PGLYRP4: variants seen among roughly 807,000 people sequenced by gnomAD.
The protein encoded by PGLYRP4 is PGRP-I-beta.
Under a neutral mutation model 41.2 loss-of-function variants are expected in PGLYRP4, and 39 were observed. The observed-to-expected ratio is 0.95, with a 90% confidence interval of 0.73 to 1.24. The LOEUF is 1.24. Ranked by LOEUF, PGLYRP4 falls within the 50% of genes most tolerant of loss-of-function variation. PGLYRP4 has a pLI of 0.00. For synonymous variants in PGLYRP4, 202 were observed against 186.8 expected (o/e 1.08, Z -0.66); for missense variants, 467 against 460.7 (o/e 1.01, Z -0.13).
At chr1:153,333,015 A>T (rs1050976790) in intron 8 of PGLYRP4, among the ~76,000 whole-genome samples, 5 of 152,086 alleles carry the variant, frequency 3.3e-5, no homozygotes, top group Non-Finnish European at 7.4e-5. Flanking sequence ...AGCAGAAGAA[A>T]TAATAAAGAT....
At chr1:153,334,234 T>C (rs949161858) in intron 8 of PGLYRP4, among the ~76,000 whole-genome samples, 2 of 145,504 alleles carry the variant, frequency 1.4e-5, no homozygotes, top group African/African-American at 5.0e-5. Context: ...CAAAAATCAG[T>C]AGCATTTCTA....
At chr1:153,333,197 T>G (rs116567563) in intron 8 of PGLYRP4, among the ~76,000 whole-genome samples, 2,402 of 151,940 alleles carry the variant, frequency 0.016, 64 homozygotes, top group African/African-American at 0.054. Context: ...AAAAAAGAGA[T>G]AATATTAGAA....
intron 7 of PGLYRP4, among the ~76,000 whole-genome samples, chr1:153,338,157 G>A (rs1409953322): frequency 6.6e-6 from 1 of 152,110 alleles, no homozygotes; most frequent in Non-Finnish European, 1.5e-5. Context: ...TGAAAGGCAT[G>A]GTCACCCACC....
intron 4 of PGLYRP4, 46 bp from the exon 5 acceptor site, chr1:153,343,254 A>AT: frequency 7.4e-7 from 1 of 1,348,444 alleles, no homozygotes; most frequent in Non-Finnish European, 1.1e-6. Context: ...ACTGTAGGAC[A>AT]TTCCTGAGAG....
At chr1:153,331,404 C>T (rs1387578764) in intron 8 of PGLYRP4, among the ~76,000 whole-genome samples, 1 of 152,182 alleles carries the variant, frequency 6.6e-6, no homozygotes, top group African/African-American at 2.4e-5. Flanking sequence ...GGTTGAGAAA[C>T]TTGATTTAAT....
At chr1:153,338,532 A>G (rs559084618) in intron 7 of PGLYRP4, among the ~76,000 whole-genome samples, 1 of 152,148 alleles carries the variant, frequency 6.6e-6, no homozygotes, top group East Asian at 1.9e-4. Context: ...GAGTGCACAC[A>G]CCCCAGCTTA....
chr1:153,346,638 G>A (rs1162619808), intron 2 of PGLYRP4, among the ~76,000 whole-genome samples: 1 of 152,224 alleles, frequency 6.6e-6, no homozygotes, highest in African/African-American at 2.4e-5. Flanking sequence ...AGGGACGTGT[G>A]CTATGCCCAT....
At chr1:153,336,507 C>A (rs916243372) in intron 8 of PGLYRP4, among the ~76,000 whole-genome samples, 19 of 151,800 alleles carry the variant, frequency 1.3e-4, no homozygotes, top group Non-Finnish European at 2.1e-4. Flanking sequence ...CATGTTCTCA[C>A]TTATAAGTGA....
At chr1:153,342,550 G>A (rs1336827325) in intron 5 of PGLYRP4, among the ~76,000 whole-genome samples, 2 of 152,234 alleles carry the variant, frequency 1.3e-5, no homozygotes, top group Non-Finnish European at 2.9e-5. Context: ...AATGGTCCTG[G>A]AGTACATATG....
At chr1:153,339,591 T>C (rs937109563) in intron 7 of PGLYRP4, among the ~76,000 whole-genome samples, 5 of 152,252 alleles carry the variant, frequency 3.3e-5, no homozygotes, top group African/African-American at 9.6e-5. Flanking sequence ...ACATGGGGTC[T>C]AACGCCGGAT....
intron 8 of PGLYRP4, among the ~76,000 whole-genome samples, chr1:153,332,094 A>G (rs1400541382): frequency 6.6e-6 from 1 of 152,222 alleles, no homozygotes; most frequent in Non-Finnish European, 1.5e-5. Context: ...AAATAAATTT[A>G]CAGACTCAAA....
intron 7 of PGLYRP4, among the ~76,000 whole-genome samples, chr1:153,339,397 G>A (rs777376410): frequency 6.6e-6 from 1 of 152,182 alleles, no homozygotes; most frequent in South Asian, 2.1e-4. Flanking sequence ...AGAGCAAGGG[G>A]CCAGAGAGGG....
At chr1:153,341,255 A>G (rs1660788934) in intron 6 of PGLYRP4, among the ~76,000 whole-genome samples, 1 of 152,038 alleles carries the variant, frequency 6.6e-6, no homozygotes, top group Non-Finnish European at 1.5e-5. Context: ...TTATTTGCTT[A>G]TTGTCTTTCT....
At chr1:153,338,943 G>A (rs755968974) in intron 7 of PGLYRP4, among the ~76,000 whole-genome samples, 28 of 152,208 alleles carry the variant, frequency 1.8e-4, no homozygotes, top group Admixed American at 4.6e-4. Flanking sequence ...CCATATCTGT[G>A]AGGCACATCC....
intron 6 of PGLYRP4, among the ~76,000 whole-genome samples, chr1:153,341,039 A>G (rs1571136442): frequency 6.6e-6 from 1 of 152,228 alleles, no homozygotes; most frequent in East Asian, 1.9e-4. Flanking sequence ...CTCTTTCTTT[A>G]AAGTCTGTGT....
At chr1:153,344,701 C>T (rs1361395018) in intron 4 of PGLYRP4, among the ~76,000 whole-genome samples, 1 of 152,100 alleles carries the variant, frequency 6.6e-6, no homozygotes, top group Non-Finnish European at 1.5e-5. Flanking sequence ...AGGCTGGAGC[C>T]CATGTGTGTG....
At position 153,330,866 on chromosome 1, in the gene PGLYRP4, G is replaced by A. The variant is rs1393174542; in HGVS notation, c.1023C>T (p.Pro341=). 3 of 1,614,036 alleles carry A rather than the reference G, an allele frequency of 1.9e-6. No homozygotes were observed. The highest frequency in any genetic ancestry group is 1.3e-5 in the African/African-American group (1 of 75,022). The change falls in exon 9 of 9, where the codon CCC becomes CCT. Residue 341 remains proline, a synonymous_variant. Coordinates refer to ENST00000359650, the MANE Select transcript of PGLYRP4 (RefSeq NM_020393.4). ...CACTGTGGCCCACCAGCAGGTAGTT[G>A]GGAGTCAGGTACCCTTTGACCATGG... ...QCAMVKGYLT[P]NYLLVGHSDV...
chr1:153,341,927 G>A, intron 5 of PGLYRP4, 148 bp from the exon 6 acceptor site: 2 of 685,388 alleles, frequency 2.9e-6, no homozygotes, highest in Non-Finnish European at 2.4e-6. Flanking sequence ...GAGAGGCTGA[G>A]AATTAAGGAT....
At chr1:153,347,077 G>T (rs546598608) in intron 2 of PGLYRP4, among the ~76,000 whole-genome samples, 7 of 148,260 alleles carry the variant, frequency 4.7e-5, no homozygotes, top group Admixed American at 6.7e-5. Flanking sequence ...TTTGTTTTTT[G>T]TTTGTTTGTT....
Sources: gnomAD v4.1 joint callset for allele counts (sites outside exome capture counted in the v4.1 genomes callset) on GRCh38, gnomAD v4.1.1 for gene constraint, MANE v1.5 for transcripts, NCBI Gene and HGNC (gene_info 2026-07-23, HGNC 2026-07-21) for gene names.